Variants in SNX5 observed in about 807,000 individuals in gnomAD.
SNX5 encodes the protein sorting nexin-5.
Under a neutral mutation model 53.9 loss-of-function variants are expected in SNX5, and 31 were observed. The observed-to-expected ratio is 0.58, with a 90% CI of 0.43 to 0.78. SNX5 has a LOEUF of 0.78. Among genes scored for constraint, SNX5 ranks in the 30% least tolerant of loss-of-function variants. The probability of loss-of-function intolerance (pLI) is 0.00; values close to 1 mark genes in which losing one functional copy is unlikely to be tolerated. For missense variants in SNX5, 471 were observed against 478.8 expected, an observed-to-expected ratio of 0.98 and a Z score of 0.15; for synonymous variants, 168 against 171.1, an observed-to-expected ratio of 0.98 and a Z score of 0.14.
chr20:17,951,527 A>G lies in SNX5; in HGVS notation c.582T>C (p.Ala194=). Residue 194 remains alanine (A), a synonymous_variant, in exon 6 of 13, where the codon GCT becomes GCC. Coordinates refer to ENST00000377759, the MANE Select transcript of SNX5 (RefSeq NM_014426.4). ...GGFFKSVVKS[A]DEVLFTGVKE... ...TAACTCCAGTAAAAAGGACTTCATC[A>G]GCACTTTTCACCACACTTTTGAAGA... The G allele has an allele frequency of 1.2e-6, 2 of 1,612,110 alleles. No homozygotes were observed. Among genetic ancestry groups the G allele is most frequent in the Non-Finnish European group, 1.7e-6 (2 of 1,179,672 alleles).
Position 17,956,944 on chromosome 20 carries a change from C to A in SNX5, c.145G>T (p.Val49Leu). Reference sequence around the variant, plus strand: ...TGCATGTTACTTACCTTTGTGTGCACTGTAAATTTGACTTTGTCTCTCTCA... The same window carrying A: ...TGCATGTTACTTACCTTTGTGTGCAATGTAAATTTGACTTTGTCTCTCTCA... Reference protein sequence around the residue: ...LSERDKVKFTVHTKTTLPTFQ... With the variant: ...LSERDKVKFTLHTKTTLPTFQ... Residue 49 changes from valine to leucine, a missense_variant, in exon 2 of 13, where the codon GTG (valine) becomes TTG (leucine). Transcript: ENST00000377759. 2 of 1,572,128 alleles carry A rather than the reference C, an allele frequency of 1.3e-6. No individual in the cohort carries two copies. The highest frequency in any genetic ancestry group is 4.5e-5 in the East Asian group (2 of 44,688).
intron 1 of SNX5, chr20:17,961,042 T>C (rs1004665366): frequency 2.6e-5 from 18 of 683,430 alleles, no homozygotes; most frequent in Non-Finnish European, 3.2e-5. Context: ...AAGCACATTT[T>C]CAACTGTTTT....
chr20:17,954,364 A>C (rs2035318838), intron 3 of SNX5: 1 of 426,856 alleles, frequency 2.3e-6, no homozygotes, highest in Admixed American at 4.2e-5. Flanking sequence ...ATTATAGACA[A>C]TTGTTCAGAG....
Position 17,968,371 on chromosome 20 carries a change from T to C in SNX5, c.51+4A>G. 7.9e-7 allele frequency: 1 copy of C among 1,272,774 alleles called. No individual in the cohort carries two copies. 78.8% of individuals were successfully genotyped at this position (1,272,774 alleles called of 1,614,324 possible). ...CCAGGAGTCTGAGGCTGGGAGGACC[T>C]CACCTTGCTGCGGTCCTCCTCCTGC... On this transcript the variant is annotated splice_donor_region_variant and intron_variant, in intron 1 of 12. Coordinates refer to ENST00000377759, the MANE Select transcript of SNX5 (RefSeq NM_014426.4).
intron 8 of SNX5, 127 bp downstream of exon 8, chr20:17,950,005 A>T: frequency 1.4e-6 from 1 of 728,978 alleles, no homozygotes; most frequent in East Asian, 2.7e-5. Flanking sequence ...TGAGTGCTAG[A>T]GACTTGTCTT....
Position 17,961,621 on chromosome 20 carries a change from A to G in SNX5, c.52-4584T>C, listed in dbSNP as rs918759258. 24 of 984,282 alleles carry G rather than the reference A, an allele frequency of 2.4e-5. No individual in the cohort carries two copies. In the African/African-American group the frequency reaches 4.2e-4, roughly 17 times the overall value. 61.0% of individuals were successfully genotyped at this position (984,282 alleles called of 1,614,324 possible). On this transcript the variant is annotated intron_variant, in intron 1 of 12. Coordinates refer to ENST00000377759, the MANE Select transcript of SNX5 (RefSeq NM_014426.4). ...TAAATTACTACAGATAGGATAAAAA[A>G]GACACATATCTATTTAAATGACTTC...
chr20:17,966,638 T>C (rs188290582), intron 1 of SNX5, among the ~76,000 whole-genome samples: 2 of 152,346 alleles, frequency 1.3e-5, no homozygotes, highest in African/African-American at 2.4e-5. Flanking sequence ...TATGTCCCCC[T>C]ACCTTAGTGA....
At chr20:17,961,511 A>G (rs1357280862) in intron 1 of SNX5, 18 of 985,308 alleles carry the variant, frequency 1.8e-5, no homozygotes, top group Non-Finnish European at 1.9e-5. Context: ...ACAGTCATTT[A>G]AATCTAATAG....
chr20:17,949,775 A>T (rs375333464), intron 8 of SNX5, among the ~76,000 whole-genome samples: 5 of 152,224 alleles, frequency 3.3e-5, no homozygotes, highest in South Asian at 2.1e-4. Flanking sequence ...GGCCAAAAAA[A>T]AAGAAGGTCT....
At position 17,968,762 on chromosome 20, in the gene SNX5, G is replaced by T; in HGVS notation, c.-337C>A. 3 of 358,460 alleles carry T rather than the reference G, an allele frequency of 8.4e-6. No individual in the cohort carries two copies. Among genetic ancestry groups the T allele is most frequent in the Non-Finnish European group, 1.5e-5 (3 of 194,354 alleles). The allele number at this position is 358,460 out of a possible 1,614,324, so 22.2% of individuals were successfully genotyped here. ...GCCGCGACACGGACGGGAAGCAACG[G>T]ACACTCTCCCAGCAAGACGCGTCTA... On this transcript the variant is annotated 5_prime_UTR_variant, in exon 1 of 13. Transcript: ENST00000377759.
At chr20:17,948,503 A>G (rs180980362) in intron 10 of SNX5, among the ~76,000 whole-genome samples, 284 of 152,360 alleles carry the variant, frequency 1.9e-3, no homozygotes, top group African/African-American at 6.2e-3. Flanking sequence ...GTTCAGGGCA[A>G]TGCAGACAAA....
At chr20:17,955,781 C>CT (rs142812581) in intron 2 of SNX5, among the ~76,000 whole-genome samples, 2 of 151,924 alleles carry the variant, frequency 1.3e-5, no homozygotes, top group Admixed American at 6.6e-5. Flanking sequence ...TTTCTGTGTA[C>CT]TTTTTTTTGT....
Position 17,953,976 on chromosome 20 carries a change from C to T in SNX5, c.389+20G>A, listed in dbSNP as rs750181275. ...TTTCTACTTCTCAAAAGACAGAGCC[C>T]ACCAGGAAAATCCACTTACGCTTCC... On this transcript the variant is annotated intron_variant, in intron 4 of 12. Coordinates refer to ENST00000377759, the MANE Select transcript of SNX5 (RefSeq NM_014426.4). 1 of 1,599,956 alleles carries T rather than the reference C, an allele frequency of 6.3e-7. No individual in the cohort carries two copies. The highest frequency in any genetic ancestry group is 1.7e-5 in the Admixed American group (1 of 59,782).
chr20:17,964,236 A>C (rs1052286148), intron 1 of SNX5, among the ~76,000 whole-genome samples: 3 of 152,192 alleles, frequency 2.0e-5, no homozygotes, highest in Admixed American at 2.0e-4. Context: ...AAACCCTGAC[A>C]AGGGAGCCAT....
At position 17,950,151 on chromosome 20, in the gene SNX5, C is replaced by T; in HGVS notation, c.772G>A (p.Glu258Lys). 6.2e-7 allele frequency: 1 copy of T among 1,614,142 alleles called. No individual in the cohort carries two copies. The highest frequency in any genetic ancestry group is 8.5e-7 in the Non-Finnish European group (1 of 1,179,994). ...AACLHSLALE[E>K]PTVIKKYLLK... The stretch of plus-strand genomic sequence containing the variant: ...ACTTACTTTTTGATGACTGTGGGCT[C>T]TTCTAAAGCCAGGCTATGTAAGCAG... Residue 258 changes from glutamate (E) to lysine (K), a missense_variant, in exon 8 of 13, where the codon GAG becomes AAG. Physicochemically the swap from Glu to Lys is moderately conservative, Grantham distance 56. Transcript: ENST00000377759.
At chr20:17,961,123 C>A in intron 1 of SNX5, 2 of 985,306 alleles carry the variant, frequency 2.0e-6, no homozygotes, top group Non-Finnish European at 2.4e-6. Flanking sequence ...TTACGGAATC[C>A]CTGTGCATTT....
chr20:17,951,624 T>C, intron 5 of SNX5, 29 bp from the exon 6 acceptor site: 5 of 1,450,206 alleles, frequency 3.4e-6, no homozygotes, highest in Non-Finnish European at 4.8e-6. Context: ...AAAGAGTTTA[T>C]ATGGTATGGA....
At chr20:17,961,061 G>C (rs141656214) in intron 1 of SNX5, 1 of 827,838 alleles carries the variant, frequency 1.2e-6, no homozygotes, top group African/African-American at 1.9e-5. Context: ...TTAAAAAATC[G>C]CAGTGCTTTT....
intron 10 of SNX5, among the ~76,000 whole-genome samples, chr20:17,947,947 A>G (rs552550909): frequency 1.3e-5 from 2 of 152,370 alleles, no homozygotes; most frequent in East Asian, 3.8e-4. Context: ...ATTGTGTATC[A>G]GAGATAACTT....
Sources: allele counts gnomAD v4.1 joint callset (sites outside exome capture counted in the v4.1 genomes callset), GRCh38; gene constraint gnomAD v4.1.1; transcripts MANE v1.5; gene names NCBI Gene and HGNC (gene_info 2026-07-23, HGNC 2026-07-21).